The following TNIK variants were observed in gnomAD, a reference collection of about 807,000 sequenced individuals.
TNIK encodes the protein TRAF2 and NCK interacting kinase.
A neutral mutation model predicts 191.3 loss-of-function variants in TNIK; 49 were observed. The ratio of observed to expected loss-of-function variants is 0.26; its 90% confidence interval spans 0.20 to 0.32. The LOEUF is 0.32. Among genes scored for constraint, TNIK ranks in the 10% least tolerant of loss-of-function variants. TNIK has a pLI of 1.00. For synonymous variants in TNIK, 594 were observed against 600.9 expected (o/e 0.99, Z 0.17); for missense variants, 1,155 against 1,702.3 (o/e 0.68, Z 5.66).
intron 10 of TNIK, among the ~76,000 whole-genome samples, chr3:171,165,850 C>T (rs1306443987): frequency 6.6e-6 from 1 of 152,204 alleles, no homozygotes; most frequent in Non-Finnish European, 1.5e-5. Context: ...CTCCTGCTGT[C>T]TACCCAGAAA....
Position 171,261,974 on chromosome 3 carries a change from G to A in TNIK, c.124-33753C>T, listed in dbSNP as rs546536185. On this transcript the variant is annotated intron_variant, in intron 2 of 32. Coordinates refer to ENST00000436636, the MANE Select transcript of TNIK (RefSeq NM_015028.4). ...GACGCCAGGTTTTATGAACAACTAG[G>A]ATCAAATATGAATACTATTATTTAT... Among the ~76,000 whole-genome samples, 330 of 152,214 alleles carry A rather than the reference G, an allele frequency of 2.2e-3. 1 individual carries two copies. Among genetic ancestry groups the A allele is most frequent in the Non-Finnish European group, 3.4e-3 (229 of 68,012 alleles).
At chr3:171,343,756 T>A (rs545774932) in intron 2 of TNIK, among the ~76,000 whole-genome samples, 1 of 152,302 alleles carries the variant, frequency 6.6e-6, no homozygotes, top group Admixed American at 6.5e-5. Flanking sequence ...TTCTAGTCTT[T>A]CTTCTCCAAT....
intron 1 of TNIK, among the ~76,000 whole-genome samples, chr3:171,427,205 GA>G (rs1276788488): frequency 6.6e-6 from 1 of 152,064 alleles, no homozygotes; most frequent in African/African-American, 2.4e-5. Context: ...CTGCCCTCCT[GA>G]AATCCCCAGT....
At chr3:171,131,683 G>T (rs549487741) in intron 15 of TNIK, among the ~76,000 whole-genome samples, 1 of 152,184 alleles carries the variant, frequency 6.6e-6, no homozygotes, top group Admixed American at 6.5e-5. Flanking sequence ...ATCTCATTAC[G>T]TACTTTGTCT....
intron 1 of TNIK, among the ~76,000 whole-genome samples, chr3:171,378,430 T>C (rs931643154): frequency 3.9e-5 from 6 of 152,214 alleles, no homozygotes; most frequent in African/African-American, 1.4e-4. Flanking sequence ...GCTGGATTAC[T>C]TGATATAATA....
chr3:171,199,939 C>T lies in TNIK; in HGVS notation c.307-5304G>A, dbSNP rs150178972. Among the ~76,000 whole-genome samples the T allele has an allele frequency of 2.0e-5, 3 of 152,310 alleles. No homozygotes were observed. The East Asian group carries it at 5.8e-4, about 29-fold the overall frequency. On this transcript the variant is annotated intron_variant, in intron 4 of 32. Coordinates refer to ENST00000436636, the MANE Select transcript of TNIK (RefSeq NM_015028.4). ...GATAGCATCAATACCTCCCCAGTGT[C>T]CACTTCACTTGGATGGTGAAGAGAC...
At chr3:171,282,341 G>GTTTTTTTTTTTTTTTTTTTTTTT (rs869305605) in intron 2 of TNIK, among the ~76,000 whole-genome samples, 2 of 79,948 alleles carry the variant, frequency 2.5e-5, no homozygotes, top group African/African-American at 8.9e-5. Flanking sequence ...ATGGTTTTTT[G>GTTTTTTTTTTTTTTTTTTTTTTT]TTTTTTTTTT....
chr3:171,291,391 A>C (rs1751670715), intron 2 of TNIK, among the ~76,000 whole-genome samples: 1 of 152,114 alleles, frequency 6.6e-6, no homozygotes, highest in South Asian at 2.1e-4. Flanking sequence ...ACAGCTTAAA[A>C]ATTTTCTTTA....
intron 1 of TNIK, among the ~76,000 whole-genome samples, chr3:171,432,033 G>A (rs566991404): frequency 6.6e-6 from 1 of 152,198 alleles, no homozygotes; most frequent in Non-Finnish European, 1.5e-5. Context: ...ATTTTAGTAT[G>A]CATTTTTAAT....
At chr3:171,346,061 G>T (rs572069527) in intron 2 of TNIK, among the ~76,000 whole-genome samples, 1 of 152,100 alleles carries the variant, frequency 6.6e-6, no homozygotes, top group Non-Finnish European at 1.5e-5. Context: ...GTCAGGGAAG[G>T]CCTCTCTAAT....
intron 2 of TNIK, among the ~76,000 whole-genome samples, chr3:171,333,584 GAA>G (rs562856294): frequency 0.085 from 9,718 of 114,320 alleles, 1,059 homozygotes; most frequent in African/African-American, 0.27. Flanking sequence ...CAAAAAGAAA[GAA>G]AAAAAAAAAA....
At chr3:171,229,828 T>C (rs1743393194) in intron 2 of TNIK, among the ~76,000 whole-genome samples, 1 of 152,100 alleles carries the variant, frequency 6.6e-6, no homozygotes, top group Admixed American at 6.6e-5. Context: ...AGTAATCCAA[T>C]ATGGTCACAG....
At chr3:171,409,565 C>A (rs907282838) in intron 1 of TNIK, among the ~76,000 whole-genome samples, 1 of 151,910 alleles carries the variant, frequency 6.6e-6, no homozygotes, top group Admixed American at 6.6e-5. Context: ...ACTATGTAAA[C>A]TCTGAATTCC....
intron 1 of TNIK, among the ~76,000 whole-genome samples, chr3:171,421,778 C>T (rs1577875653): frequency 7.3e-6 from 1 of 136,634 alleles, no homozygotes; most frequent in Non-Finnish European, 1.5e-5. Flanking sequence ...GTCACCCAGG[C>T]TGGACTACAA....
At position 171,116,031 on chromosome 3, in the gene TNIK, G is replaced by C. The variant is rs377469190; in HGVS notation, c.2121-5154C>G. Among the ~76,000 whole-genome samples the C allele has an allele frequency of 6.6e-5, 10 of 152,228 alleles. No individual in the cohort carries two copies. The East Asian group carries it at 1.7e-3, about 26-fold the overall frequency. ...ACCAGAGCTAACCAGTGTGGGTGCT[G>C]ATCTTAATAGGTTGCTATTTTTGCT... On this transcript the variant is annotated intron_variant, in intron 18 of 32. Coordinates refer to ENST00000436636, the MANE Select transcript of TNIK (RefSeq NM_015028.4).
intron 1 of TNIK, among the ~76,000 whole-genome samples, chr3:171,382,698 G>C (rs1190737061): frequency 6.6e-6 from 1 of 152,184 alleles, no homozygotes; most frequent in Non-Finnish European, 1.5e-5. Flanking sequence ...GATGACTGTG[G>C]AAGCATATGT....
chr3:171,388,204 G>T (rs1245744636), intron 1 of TNIK, among the ~76,000 whole-genome samples: 5 of 152,172 alleles, frequency 3.3e-5, no homozygotes, highest in Non-Finnish European at 7.3e-5. Context: ...TCCAGTTCTA[G>T]TGCCATCTTA....
chr3:171,368,247 T>C (rs1716014753), intron 2 of TNIK, among the ~76,000 whole-genome samples: 1 of 152,208 alleles, frequency 6.6e-6, no homozygotes. Context: ...GGAAAGGCTC[T>C]AAGAAATGGC....
intron 2 of TNIK, among the ~76,000 whole-genome samples, chr3:171,312,986 C>T (rs936891699): frequency 3.3e-5 from 5 of 152,204 alleles, no homozygotes; most frequent in Admixed American, 2.6e-4. Flanking sequence ...AACTTCTCCA[C>T]GTGGATCTCG....
Sources: allele counts gnomAD v4.1 joint callset (sites outside exome capture counted in the v4.1 genomes callset), GRCh38; gene constraint gnomAD v4.1.1; transcripts MANE v1.5; gene names NCBI Gene and HGNC (gene_info 2026-07-23, HGNC 2026-07-21).